Variants in RAI14 observed in about 807,000 individuals in gnomAD.
RAI14 encodes retinoic acid induced 14, also known as ankycorbin.
A neutral mutation model predicts 115.4 loss-of-function variants in RAI14; 45 were observed. That is an observed-to-expected ratio of 0.39 (90% confidence interval 0.31 to 0.50). The LOEUF is 0.50. Ranked by LOEUF, RAI14 falls within the 20% of genes least tolerant of loss-of-function variation. The pLI is 0.85. For synonymous variants in RAI14, 371 were observed against 415.4 expected, an observed-to-expected ratio of 0.89 and a Z score of 1.30; for missense variants, 939 against 1,131.2, an observed-to-expected ratio of 0.83 and a Z score of 2.44.
intron 3 of RAI14, among the ~76,000 whole-genome samples, chr5:34,788,554 A>G (rs982171977): frequency 1.3e-5 from 2 of 152,250 alleles, no homozygotes; most frequent in Admixed American, 1.3e-4. Flanking sequence ...TATAGTAAAT[A>G]TATGAATGAG....
intron 13 of RAI14, among the ~76,000 whole-genome samples, chr5:34,820,791 A>G (rs1756742546): frequency 6.6e-6 from 1 of 152,178 alleles, no homozygotes. Flanking sequence ...GCACTCCTTA[A>G]GTTGCAATTT....
At chr5:34,734,532 A>G (rs1744616492) in intron 2 of RAI14, among the ~76,000 whole-genome samples, 1 of 152,250 alleles carries the variant, frequency 6.6e-6, no homozygotes, top group Non-Finnish European at 1.5e-5. Flanking sequence ...TAGAAGGAGT[A>G]GAAGGAAAAG....
intron 2 of RAI14, among the ~76,000 whole-genome samples, chr5:34,743,308 T>C (rs924024599): frequency 1.3e-5 from 2 of 152,154 alleles, no homozygotes; most frequent in Non-Finnish European, 2.9e-5. Context: ...GTTCTGGTGG[T>C]TGCCAGCAAT....
At chr5:34,812,145 TC>T in intron 9 of RAI14, 34 bp from the exon 10 acceptor site, 1 of 1,536,498 alleles carries the variant, frequency 6.5e-7, no homozygotes, top group Non-Finnish European at 9.0e-7. Context: ...TCATTATGCT[TC>T]TTATAGTTCT....
chr5:34,786,514 C>T lies in RAI14; in HGVS notation c.168-9425C>T, dbSNP rs554771014. 1.5e-4 allele frequency among the ~76,000 whole-genome samples: 23 copies of T among 152,306 alleles called. No homozygotes were observed. In the South Asian group the frequency reaches 4.8e-3, roughly 32 times the overall value. On this transcript the variant is annotated intron_variant, in intron 3 of 17. Transcript: ENST00000265109. ...ACCGGCTCTGTTACTTCTTCTGTTACTTCATTATACTCTCCTCCTTCCTCA... is the reference window on the plus strand; with the variant it reads ...ACCGGCTCTGTTACTTCTTCTGTTATTTCATTATACTCTCCTCCTTCCTCA...
chr5:34,716,209 T>C lies in RAI14; in HGVS notation c.36+29254T>C, dbSNP rs750450602. On this transcript the variant is annotated intron_variant, in intron 2 of 17. Coordinates refer to ENST00000265109, the MANE Select transcript of RAI14 (RefSeq NM_015577.3). ...ACAAGTATAGGTGGATTTACATGCC[T>C]ACATCTTTTGAGGTGAGTGGAAATT... is the stretch of plus-strand genomic sequence containing the variant. 6.9e-4 allele frequency: 238 copies of C among 345,642 alleles called. 1 individual carries two copies. The highest frequency in any genetic ancestry group is 5.4e-4 in the Non-Finnish European group (98 of 180,598). 21.4% of individuals were successfully genotyped at this position (345,642 alleles called of 1,614,324 possible).
chr5:34,709,127 C>A (rs1279093444), intron 2 of RAI14, among the ~76,000 whole-genome samples: 1 of 114,766 alleles, frequency 8.7e-6, no homozygotes, highest in Non-Finnish European at 1.8e-5. Flanking sequence ...GAGACCCTAT[C>A]TCAAAAAAAA....
chr5:34,666,142 T>C (rs1359525550), intron 1 of RAI14, among the ~76,000 whole-genome samples: 2 of 152,194 alleles, frequency 1.3e-5, no homozygotes, highest in Admixed American at 1.3e-4. Context: ...GTTTTGCTGT[T>C]AACAGGAAGG....
intron 2 of RAI14, among the ~76,000 whole-genome samples, chr5:34,750,647 A>G (rs1423054451): frequency 6.6e-6 from 1 of 152,074 alleles, no homozygotes; most frequent in African/African-American, 2.4e-5. Context: ...GAAATAAATC[A>G]CATATGGAGA....
intron 2 of RAI14, among the ~76,000 whole-genome samples, chr5:34,723,824 A>G (rs1743111411): frequency 6.6e-6 from 1 of 152,180 alleles, no homozygotes. Flanking sequence ...CATCACCCAT[A>G]AATTTCTGTT....
chr5:34,674,682 T>G (rs1743852622), intron 1 of RAI14, among the ~76,000 whole-genome samples: 1 of 151,538 alleles, frequency 6.6e-6, no homozygotes, highest in Non-Finnish European at 1.5e-5. Flanking sequence ...CCTCCCAGAT[T>G]CAAGCGATTC....
intron 4 of RAI14, among the ~76,000 whole-genome samples, chr5:34,796,373 G>C (rs1238452742): frequency 6.6e-6 from 1 of 150,648 alleles, no homozygotes; most frequent in African/African-American, 2.5e-5. Flanking sequence ...ACTCCAGCCT[G>C]GGCAACAGAG....
intron 2 of RAI14, among the ~76,000 whole-genome samples, chr5:34,695,546 A>G (rs1015653946): frequency 6.6e-6 from 1 of 152,244 alleles, no homozygotes. Flanking sequence ...CTGTAGGTGT[A>G]AAATACACAC....
intron 2 of RAI14, among the ~76,000 whole-genome samples, chr5:34,749,484 T>A (rs898475267): frequency 2.0e-5 from 3 of 152,244 alleles, no homozygotes; most frequent in African/African-American, 7.2e-5. Context: ...GGTGATGCCA[T>A]GTCTGGCCAA....
rs1757173482 is a variant in RAI14, at chr5:34,823,900, A to G, written c.2058A>G (p.Gln686=). 3 of 1,614,208 alleles carry G rather than the reference A, an allele frequency of 1.9e-6. No homozygotes were observed. Among genetic ancestry groups the G allele is most frequent in the Non-Finnish European group, 1.7e-6 (2 of 1,180,016 alleles). The part of the protein sequence containing the change: ...IHKAEHEKLM[Q]LTNVSRAKAE... ...AAGCAGAGCATGAGAAACTGATGCA[A>G]TTGACAAACGTGTCCAGGGCTAAAG... Residue 686 remains glutamine, a synonymous_variant, in exon 15 of 18, where the codon CAA becomes CAG. Transcript: ENST00000265109. The surrounding 1 kb of genome is among the most constrained non-coding windows in gnomAD (Gnocchi z 4.5).
chr5:34,666,409 C>G (rs939065761), intron 1 of RAI14, among the ~76,000 whole-genome samples: 3 of 152,042 alleles, frequency 2.0e-5, no homozygotes, highest in African/African-American at 7.3e-5. Context: ...ATATCCCCAA[C>G]TGGCTCTTCA....
At chr5:34,792,759 C>T (rs1343966184) in intron 3 of RAI14, among the ~76,000 whole-genome samples, 1 of 152,148 alleles carries the variant, frequency 6.6e-6, no homozygotes, top group Non-Finnish European at 1.5e-5. Context: ...GACTATCTAT[C>T]CTTATAGAAT....
chr5:34,771,097 G>A (rs1325895510), intron 3 of RAI14, among the ~76,000 whole-genome samples: 1 of 152,248 alleles, frequency 6.6e-6, no homozygotes, highest in East Asian at 1.9e-4. Context: ...GAAGGGAGTC[G>A]TGGGTGTATT....
At chr5:34,800,440 T>C (rs1754119106) in intron 4 of RAI14, among the ~76,000 whole-genome samples, 1 of 152,206 alleles carries the variant, frequency 6.6e-6, no homozygotes. Flanking sequence ...TCCACAGCTA[T>C]ATGGGAGTCA....
Sources: allele counts gnomAD v4.1 joint callset (sites outside exome capture counted in the v4.1 genomes callset), GRCh38; gene constraint gnomAD v4.1.1; non-coding constraint Gnocchi (gnomAD v3.1); transcripts MANE v1.5; gene names NCBI Gene and HGNC (gene_info 2026-07-23, HGNC 2026-07-21).